POLA2: variants seen among roughly 807,000 people sequenced by gnomAD.
The protein encoded by POLA2 is DNA polymerase alpha subunit B.
Under a neutral mutation model 82.8 loss-of-function variants are expected in POLA2, and 47 were observed. That is an observed-to-expected ratio of 0.57 (90% CI 0.45 to 0.72). The LOEUF (loss-of-function observed/expected upper bound fraction) is 0.72. Ranked by LOEUF, POLA2 falls within the 30% of genes least tolerant of loss-of-function variation. The pLI, the probability that POLA2 is intolerant of heterozygous loss-of-function variation, is 0.00. For missense variants in POLA2, 634 were observed against 728.1 expected (o/e 0.87, Z 1.49); for synonymous variants, 287 against 286.8 (o/e 1.00, Z -0.01).
intron 10 of POLA2, among the ~76,000 whole-genome samples, chr11:65,286,666 A>T (rs1274657128): frequency 6.6e-6 from 1 of 152,186 alleles, no homozygotes; most frequent in East Asian, 1.9e-4. Flanking sequence ...CTGGAATTAC[A>T]GGCGTTGAGC....
intron 10 of POLA2, among the ~76,000 whole-genome samples, chr11:65,283,661 T>A (rs1803033119): frequency 6.6e-6 from 1 of 151,792 alleles, no homozygotes; most frequent in African/African-American, 2.4e-5. Flanking sequence ...AACCCCATAG[T>A]GATGGGGTTT....
intron 4 of POLA2, among the ~76,000 whole-genome samples, chr11:65,271,035 G>C (rs1008576962): frequency 1.3e-5 from 2 of 152,154 alleles, no homozygotes; most frequent in Non-Finnish European, 2.9e-5. Context: ...CCTTGTCAGG[G>C]AACAAGCCTG....
Position 65,287,778 on chromosome 11 carries a change from T to G in POLA2, c.1069T>G (p.Tyr357Asp), listed in dbSNP as rs771914577. 6.2e-7 allele frequency: 1 copy of G among 1,613,894 alleles called. No homozygotes were observed. The highest frequency in any genetic ancestry group is 8.5e-7 in the Non-Finnish European group (1 of 1,179,892). ...ATACACCACATCTGACAGCATCACGTATGACCCCCTGCTTGACCTGATTGC... is the reference window on the plus strand; with the variant it reads ...ATACACCACATCTGACAGCATCACGGATGACCCCCTGCTTGACCTGATTGC... ...GPYTTSDSIT[Y>D]DPLLDLIAVI... Residue 357 changes from tyrosine to aspartate, a missense_variant, in exon 11 of 18, where the codon TAT becomes GAT. Transcript: ENST00000265465.
intron 13 of POLA2, among the ~76,000 whole-genome samples, chr11:65,292,661 T>C (rs936289528): frequency 6.6e-6 from 1 of 152,204 alleles, no homozygotes; most frequent in African/African-American, 2.4e-5. Flanking sequence ...AAAGGGACAA[T>C]AATGAATATG....
At chr11:65,263,298 C>T (rs1460541506) in intron 1 of POLA2, among the ~76,000 whole-genome samples, 9 of 144,548 alleles carry the variant, frequency 6.2e-5, no homozygotes, top group Non-Finnish European at 8.9e-5. Context: ...CGGCTCACTT[C>T]AGCCTCCGCC....
chr11:65,295,423 T>G, intron 15 of POLA2, 117 bp from the exon 16 acceptor site: 1 of 859,408 alleles, frequency 1.2e-6, no homozygotes, highest in Non-Finnish European at 1.9e-6. Flanking sequence ...ATCCTCCTCT[T>G]GTTGCTGTGC....
chr11:65,262,261 G>A lies in POLA2; in HGVS notation c.-32G>A, dbSNP rs749017098. 37 of 1,591,462 alleles carry A rather than the reference G, an allele frequency of 2.3e-5. No individual in the cohort carries two copies. Among genetic ancestry groups the A allele is most frequent in the Admixed American group, 3.4e-5 (2 of 58,826 alleles). ...CTTGGGCGCAGGTCGGAGCTGGGTGGGCCGGCTCCCCGGCCCCTGGCTTGG... is the reference window on the plus strand; with the variant it reads ...CTTGGGCGCAGGTCGGAGCTGGGTGAGCCGGCTCCCCGGCCCCTGGCTTGG... On this transcript the variant is annotated 5_prime_UTR_variant, in exon 1 of 18. Transcript: ENST00000265465.
At chr11:65,293,272 G>A (rs1185049733) in intron 13 of POLA2, among the ~76,000 whole-genome samples, 1 of 152,018 alleles carries the variant, frequency 6.6e-6, no homozygotes, top group African/African-American at 2.4e-5. Flanking sequence ...CAGTAATTAT[G>A]GCCCAGTGTT....
chr11:65,264,696 T>C (rs1949439367), intron 1 of POLA2, among the ~76,000 whole-genome samples: 2 of 152,250 alleles, frequency 1.3e-5, no homozygotes, highest in South Asian at 2.1e-4. Flanking sequence ...TTTCCTATTA[T>C]AATGAATAAG....
At position 65,295,858 on chromosome 11, in the gene POLA2, CTG is replaced by C; in HGVS notation, c.1521-4_1521-3del. On this transcript the variant is annotated splice_polypyrimidine_tract_variant and splice_region_variant and intron_variant, in intron 16 of 17. Transcript: ENST00000265465. Reference sequence around the variant, plus strand: ...TAGTGCTGACAATTTCTCTCTGTCTCTGTAGCTACTACCCACTCTACCCGCCC... The same window carrying C: ...TAGTGCTGACAATTTCTCTCTGTCTCTAGCTACTACCCACTCTACCCGCCC... 3 of 1,608,598 alleles carry C rather than the reference CTG, an allele frequency of 1.9e-6. No homozygotes were observed. The South Asian group carries it at 3.3e-5, about 18-fold the overall frequency.
At chr11:65,275,091 A>T (rs1285447590) in intron 4 of POLA2, among the ~76,000 whole-genome samples, 2 of 152,124 alleles carry the variant, frequency 1.3e-5, no homozygotes, top group Non-Finnish European at 2.9e-5. Context: ...TTTCCATTGC[A>T]GCTGGTTTTG....
At chr11:65,292,343 A>T (rs1235745425) in intron 13 of POLA2, among the ~76,000 whole-genome samples, 3 of 152,220 alleles carry the variant, frequency 2.0e-5, no homozygotes, top group Non-Finnish European at 4.4e-5. Flanking sequence ...GCTGTGACGT[A>T]CGAGGTTGTG....
Position 65,278,768 on chromosome 11 carries a change from G to C in POLA2, c.500G>C (p.Arg167Pro). The C allele has an allele frequency of 6.2e-7, 1 of 1,613,646 alleles. No homozygotes were observed. Among genetic ancestry groups the C allele is most frequent in the Non-Finnish European group, 8.5e-7 (1 of 1,179,948 alleles). Residue 167 changes from arginine to proline, a missense_variant, in exon 6 of 18, where the codon CGA becomes CCA. Coordinates refer to ENST00000265465, the MANE Select transcript of POLA2 (RefSeq NM_002689.4). Reference protein sequence around the residue: ...PSQKYNSRSNRGEVVTSFGLA... With the variant: ...PSQKYNSRSNPGEVVTSFGLA... ...CAGAAATACAACTCACGAAGTAACC[G>C]AGGAGAAGTGGTTACCTCCTTCGGC...
At chr11:65,262,409 C>T in intron 1 of POLA2, 38 bp downstream of exon 1, 2 of 1,551,724 alleles carry the variant, frequency 1.3e-6, no homozygotes, top group Non-Finnish European at 1.8e-6. Flanking sequence ...AGCCGTGCTC[C>T]ACGCTCTCGC....
rs775395572 is a variant in POLA2, at chr11:65,279,625, A to C, written c.743A>C (p.Gln248Pro). ...TTCACTCCTTTGCTAGCCCCAGCAC[A>C]GGTAAGAGTTGTTCTAATAGTTCTC... ...EAFTPLLAPA[Q>P]EPVTLLGQIG... Residue 248 changes from glutamine (Q) to proline (P), a missense_variant and splice_region_variant, in exon 7 of 18, where the codon CAG becomes CCG. Gln to Pro is a moderately conservative substitution (Grantham distance 76). Transcript: ENST00000265465. 5.0e-6 allele frequency: 8 copies of C among 1,605,392 alleles called. No homozygotes were observed. Among genetic ancestry groups the C allele is most frequent in the Non-Finnish European group, 6.0e-6 (7 of 1,173,156 alleles).
intron 7 of POLA2, chr11:65,280,623 C>G (rs546916257): frequency 4.5e-6 from 1 of 223,736 alleles, no homozygotes; most frequent in Non-Finnish European, 9.0e-6. Flanking sequence ...ATTTAGTAAG[C>G]TCAAGAAATG....
chr11:65,285,198 G>C (rs538406457), intron 10 of POLA2, among the ~76,000 whole-genome samples: 1 of 152,086 alleles, frequency 6.6e-6, no homozygotes, highest in African/African-American at 2.4e-5. Flanking sequence ...ACGGTCAGGA[G>C]ATAGAGACCA....
intron 1 of POLA2, among the ~76,000 whole-genome samples, chr11:65,265,813 G>A (rs575531244): frequency 3.5e-4 from 53 of 152,236 alleles, no homozygotes; most frequent in African/African-American, 1.3e-3. Flanking sequence ...TTGTGTCACC[G>A]CTTCTCAGGC....
At chr11:65,266,516 T>C in intron 1 of POLA2, 66 bp from the exon 2 acceptor site, 1 of 1,542,828 alleles carries the variant, frequency 6.5e-7, no homozygotes, top group South Asian at 1.1e-5. Context: ...GGATTATTTT[T>C]GCTTTTCTAG....
Sources: gnomAD v4.1 joint callset for allele counts (sites outside exome capture counted in the v4.1 genomes callset) on GRCh38, gnomAD v4.1.1 for gene constraint, MANE v1.5 for transcripts, NCBI Gene and HGNC (gene_info 2026-07-23, HGNC 2026-07-21) for gene names.